Variants in ABCA12 observed in about 807,000 individuals in gnomAD.
The protein encoded by ABCA12 is glucosylceramide transporter ABCA12.
Under a neutral mutation model 293.5 loss-of-function variants are expected in ABCA12, and 156 were observed. The observed-to-expected ratio is 0.53, with a 90% CI of 0.47 to 0.61. The LOEUF (loss-of-function observed/expected upper bound fraction) is 0.61. Ranked by LOEUF, ABCA12 falls within the 20% of genes least tolerant of loss-of-function variation. ABCA12 has a pLI of 0.00. For missense variants in ABCA12, 2,797 were observed against 3,090.2 expected, an observed-to-expected ratio of 0.91 and a Z score of 2.25; for synonymous variants, 1,063 against 1,108.0, an observed-to-expected ratio of 0.96 and a Z score of 0.81.
At chr2:214,959,185 C>A in intron 39 of ABCA12, 107 bp from the exon 40 acceptor site, 7 of 1,004,722 alleles carry the variant, frequency 7.0e-6, no homozygotes, top group South Asian at 4.2e-5. Flanking sequence ...ATTATCTAAA[C>A]AATTTTATTT....
Position 214,966,965 on chromosome 2 carries a change from C to G in ABCA12, c.5779-12G>C, listed in dbSNP as rs1211140732. On this transcript the variant is annotated splice_polypyrimidine_tract_variant and intron_variant, in intron 38 of 52. Transcript: ENST00000272895. ...GGATCATACCATACCTATTAAATTC[C>G]AAAAGAAGGCAAGATCAATATTGCA... 6.9e-6 allele frequency: 11 copies of G among 1,599,834 alleles called. 1 individual carries two copies. In the Middle Eastern group the frequency reaches 1.2e-3, roughly 169 times the overall value.
At chr2:214,968,954 A>C in intron 37 of ABCA12, 147 bp from the exon 38 acceptor site, 1 of 674,376 alleles carries the variant, frequency 1.5e-6, no homozygotes, top group Non-Finnish European at 2.6e-6. Flanking sequence ...CAAATATTTT[A>C]CATTTCTATC....
At chr2:215,038,690 T>C (rs932201313) in intron 7 of ABCA12, among the ~76,000 whole-genome samples, 5 of 152,228 alleles carry the variant, frequency 3.3e-5, no homozygotes, top group African/African-American at 1.2e-4. Flanking sequence ...TAAATCTTGG[T>C]CGGCCTTCAA....
chr2:215,003,915 G>A (rs933869534), intron 20 of ABCA12, among the ~76,000 whole-genome samples: 1 of 152,110 alleles, frequency 6.6e-6, no homozygotes, highest in Admixed American at 6.5e-5. Flanking sequence ...TGATCTGCCC[G>A]TGTCTGCCTC....
At chr2:214,954,593 C>T (rs1559112241) in intron 43 of ABCA12, among the ~76,000 whole-genome samples, 1 of 152,162 alleles carries the variant, frequency 6.6e-6, no homozygotes, top group Non-Finnish European at 1.5e-5. Flanking sequence ...CACACGTGGG[C>T]CAACTACTTC....
In ABCA12 at chr2:215,019,379, G is replaced by A. The variant is rs774282108; in HGVS notation, c.1614C>T (p.Ala538=). 1 of 1,613,054 alleles carries A rather than the reference G, an allele frequency of 6.2e-7. No homozygotes were observed. Among genetic ancestry groups the A allele is most frequent in the Non-Finnish European group, 8.5e-7 (1 of 1,179,996 alleles). Residue 538 remains alanine, a synonymous_variant, in exon 13 of 53, where the codon GCC becomes GCT. Coordinates refer to ENST00000272895, the MANE Select transcript of ABCA12 (RefSeq NM_173076.3). ...CTGCACTGTTATTGACATGCAGCAT[G>A]GCTTCTATGATCGGTATTAACTGAG... The part of the protein sequence containing the change: ...NITQLIPIIE[A]MLHVNNSADA...
intron 31 of ABCA12, among the ~76,000 whole-genome samples, chr2:214,979,441 C>G (rs1173279676): frequency 6.6e-6 from 1 of 152,072 alleles, no homozygotes; most frequent in Non-Finnish European, 1.5e-5. Context: ...AACCTCTTTT[C>G]TTATTACCCT....
chr2:215,099,345 G>T (rs1575043371), intron 2 of ABCA12, among the ~76,000 whole-genome samples: 1 of 152,294 alleles, frequency 6.6e-6, no homozygotes, highest in East Asian at 1.9e-4. Flanking sequence ...CCCAAATCCT[G>T]ACTGCAAACT....
intron 18 of ABCA12, among the ~76,000 whole-genome samples, chr2:215,008,396 A>C (rs977031791): frequency 3.3e-5 from 5 of 150,882 alleles, no homozygotes; most frequent in African/African-American, 7.3e-5. Flanking sequence ...TAGCAAGAAA[A>C]ACACACACAC....
intron 30 of ABCA12, among the ~76,000 whole-genome samples, chr2:214,981,755 A>C (rs1699660904): frequency 7.4e-6 from 1 of 135,968 alleles, no homozygotes; most frequent in African/African-American, 2.6e-5. Context: ...AAAAGTCGTC[A>C]AGCTGGTTTT....
At chr2:215,075,250 A>G (rs1479699579) in intron 2 of ABCA12, among the ~76,000 whole-genome samples, 1 of 152,158 alleles carries the variant, frequency 6.6e-6, no homozygotes. Context: ...AATTTGGGCC[A>G]CCATCATCAT....
At chr2:215,097,539 G>C (rs1474330) in intron 2 of ABCA12, among the ~76,000 whole-genome samples, 5 of 152,132 alleles carry the variant, frequency 3.3e-5, no homozygotes, top group African/African-American at 1.2e-4. Flanking sequence ...GGTGTGCACA[G>C]CTGGGTGCTA....
chr2:215,004,322 CA>C, intron 19 of ABCA12, 23 bp from the exon 20 acceptor site: 2 of 1,560,622 alleles, frequency 1.3e-6, no homozygotes, highest in Non-Finnish European at 1.8e-6. Context: ...AATTAAAAAT[CA>C]GTTTCAATAC....
intron 22 of ABCA12, among the ~76,000 whole-genome samples, chr2:214,998,399 C>A (rs1233137048): frequency 1.3e-5 from 2 of 152,188 alleles, no homozygotes; most frequent in Non-Finnish European, 1.5e-5. Context: ...CTCAAGTGAT[C>A]CACCTGCCTC....
At position 214,970,216 on chromosome 2, in the gene ABCA12, G is replaced by A; in HGVS notation, c.5690+57C>T. On this transcript the variant is annotated intron_variant, in intron 37 of 52. Transcript: ENST00000272895. The stretch of plus-strand genomic sequence containing the variant: ...ATTTGTATCTATTGTCTCTTTAGAA[G>A]GCAGCTACCATTAAAATTAGCAAGC... The A allele has an allele frequency of 3.2e-6, 5 of 1,539,472 alleles. No homozygotes were observed. In the South Asian group the frequency reaches 4.8e-5, roughly 15 times the overall value.
intron 44 of ABCA12, among the ~76,000 whole-genome samples, chr2:214,951,484 C>T (rs558248821): frequency 6.6e-6 from 1 of 152,218 alleles, no homozygotes; most frequent in East Asian, 1.9e-4. Context: ...TCCTTTCATC[C>T]AGGTGTAGTG....
chr2:214,972,115 TC>T (rs1699398527), intron 36 of ABCA12, among the ~76,000 whole-genome samples: 1 of 152,226 alleles, frequency 6.6e-6, no homozygotes, highest in Non-Finnish European at 1.5e-5. Context: ...GATTTGCAGT[TC>T]TTTATACACA....
intron 28 of ABCA12, among the ~76,000 whole-genome samples, chr2:214,984,094 C>CTTTTTT (rs397987755): frequency 0.043 from 3,995 of 92,640 alleles, 155 homozygotes; most frequent in East Asian, 0.048. Flanking sequence ...ACGATCAGGC[C>CTTTTTT]TTTTTTTTTT....
chr2:215,027,984 G>A (rs6705384), intron 9 of ABCA12, among the ~76,000 whole-genome samples: 151,848 of 152,334 alleles, frequency 1, 75,685 homozygotes, highest in Non-Finnish European at 1. Flanking sequence ...GAGTATGTGC[G>A]TATTATGTGT....
Sources: gnomAD v4.1 joint callset for allele counts (sites outside exome capture counted in the v4.1 genomes callset) on GRCh38, gnomAD v4.1.1 for gene constraint, MANE v1.5 for transcripts, NCBI Gene and HGNC (gene_info 2026-07-23, HGNC 2026-07-21) for gene names.